The following SLC25A25 variants were observed in gnomAD, a reference collection of about 807,000 sequenced individuals.
The protein encoded by SLC25A25 is mitochondrial adenyl nucleotide antiporter SLC25A25.
Under a neutral mutation model 57.7 loss-of-function variants are expected in SLC25A25, and 32 were observed. That is an observed-to-expected ratio of 0.55 (90% CI 0.42 to 0.74). The LOEUF is 0.74. Ranked by LOEUF, SLC25A25 falls within the 30% of genes least tolerant of loss-of-function variation. The pLI is 0.00. For missense variants in SLC25A25, 556 were observed against 701.3 expected (o/e 0.79, Z 2.34); for synonymous variants, 306 against 291.2 (o/e 1.05, Z -0.52).
intron 1 of SLC25A25, chr9:128,091,475 T>C: frequency 1.0e-6 from 1 of 986,772 alleles, no homozygotes; most frequent in Non-Finnish European, 1.2e-6. Flanking sequence ...CGAGGACAGC[T>C]GAATAACTGG....
chr9:128,105,847 C>G lies in SLC25A25; in HGVS notation c.902C>G (p.Pro301Arg). Reference protein sequence around the residue: ...GNGINVLKIAPESAIKFMAYE... With the variant: ...GNGINVLKIARESAIKFMAYE... ...GGCATCAACGTCCTCAAAATTGCCCCCGAATCAGCCATCAAATTCATGGCC... is the reference window on the plus strand; with the variant it reads ...GGCATCAACGTCCTCAAAATTGCCCGCGAATCAGCCATCAAATTCATGGCC... Residue 301 changes from proline (P) to arginine (R), a missense_variant, in exon 7 of 11, where the codon CCC becomes CGC. By Grantham distance (103) the Pro-to-Arg change is moderately radical. This residue lies in a region of SLC25A25 where 294 missense variants were observed against 389.6 expected (regional missense o/e 0.75). Transcript: ENST00000373069. 1.2e-6 allele frequency: 2 copies of G among 1,614,160 alleles called. No homozygotes were observed. The highest frequency in any genetic ancestry group is 1.7e-6 in the Non-Finnish European group (2 of 1,180,036).
chr9:128,084,135 G>T (rs1026216014), intron 1 of SLC25A25, among the ~76,000 whole-genome samples: 4 of 152,120 alleles, frequency 2.6e-5, no homozygotes, highest in African/African-American at 9.7e-5. Context: ...ACCTCAGGGT[G>T]CTAAGGGCAT....
Position 128,103,243 on chromosome 9 carries a change from C to A in SLC25A25, c.625-438C>A, listed in dbSNP as rs188487334. ...GAGAAAGGTTACGCAGGCAGCGAGC[C>A]CTCGTGTTTGCTGAGGCGTTGCATA... On this transcript the variant is annotated intron_variant, in intron 5 of 10. Coordinates refer to ENST00000373069, the MANE Select transcript of SLC25A25 (RefSeq NM_001330988.2). This position sits in a 1 kb window ranked among gnomAD's most constrained non-coding sequence, Gnocchi z 6.7. Among the ~76,000 whole-genome samples the A allele has an allele frequency of 1.7e-3, 260 of 152,262 alleles. No homozygotes were observed. The highest frequency in any genetic ancestry group is 0.01 in the Middle Eastern group (3 of 294).
intron 1 of SLC25A25, among the ~76,000 whole-genome samples, chr9:128,084,335 A>T (rs1161096515): frequency 7.3e-5 from 11 of 149,874 alleles, no homozygotes; most frequent in Non-Finnish European, 1.5e-4. Flanking sequence ...ATCTCGGCTT[A>T]CTGCAACCTC....
chr9:128,070,257 A>AT (rs889072321), intron 1 of SLC25A25, among the ~76,000 whole-genome samples: 169 of 148,388 alleles, frequency 1.1e-3, no homozygotes, highest in African/African-American at 3.9e-3. Context: ...TGCCCAGCTA[A>AT]TTTTTTTTTT....
rs1833529794 is a variant in SLC25A25 at position 128,095,486 on chromosome 9, A to T, written c.262-5610A>T. 6.6e-6 allele frequency among the ~76,000 whole-genome samples: 1 copy of T among 152,150 alleles called. No individual in the cohort carries two copies. The highest frequency in any genetic ancestry group is 2.4e-5 in the African/African-American group (1 of 41,428). On this transcript the variant is annotated intron_variant, in intron 1 of 10. Coordinates refer to ENST00000373069, the MANE Select transcript of SLC25A25 (RefSeq NM_001330988.2). The surrounding 1 kb of genome is among the most constrained non-coding windows in gnomAD (Gnocchi z 4.4). ...TTGTCCTGGACACTAGCACCTAGAG[A>T]TGGGCTTATTTGGGTAGAACTCTCC...
chr9:128,086,047 G>C (rs1465991746), intron 1 of SLC25A25, among the ~76,000 whole-genome samples: 1 of 152,054 alleles, frequency 6.6e-6, no homozygotes, highest in Non-Finnish European at 1.5e-5. Context: ...CTTTGTATGA[G>C]TTGACTTGTT....
At chr9:128,094,138 ACT>A (rs575492801) in intron 1 of SLC25A25, among the ~76,000 whole-genome samples, 48 of 152,024 alleles carry the variant, frequency 3.2e-4, no homozygotes, top group African/African-American at 1.1e-3. Flanking sequence ...ACAGAGCAAG[ACT>A]CTGTTTAAAA....
rs944449032 is a variant in SLC25A25 at position 128,083,992 on chromosome 9, C to T, written c.261+15412C>T. On this transcript the variant is annotated intron_variant, in intron 1 of 10. Coordinates refer to ENST00000373069, the MANE Select transcript of SLC25A25 (RefSeq NM_001330988.2). Reference sequence around the variant, plus strand: ...GTGGTGCTCCAGGCTCCTTTATACTCTGGGCATTTTATCAGGGTAATTTGG... The same window carrying T: ...GTGGTGCTCCAGGCTCCTTTATACTTTGGGCATTTTATCAGGGTAATTTGG... 6.6e-5 allele frequency among the ~76,000 whole-genome samples: 10 copies of T among 152,128 alleles called. No homozygotes were observed. The East Asian group carries it at 1.9e-3, about 29-fold the overall frequency.
intron 1 of SLC25A25, among the ~76,000 whole-genome samples, chr9:128,083,667 G>A (rs1833210132): frequency 9.4e-6 from 1 of 105,838 alleles, no homozygotes; most frequent in African/African-American, 3.3e-5. Context: ...CCAACACCAC[G>A]CCCAGCGAAT....
chr9:128,071,755 C>T (rs965185900), intron 1 of SLC25A25, among the ~76,000 whole-genome samples: 4 of 151,190 alleles, frequency 2.6e-5, no homozygotes, highest in Non-Finnish European at 4.4e-5. Flanking sequence ...TCCGCTCTGT[C>T]GCCCAGGCTG....
At chr9:128,078,599 ACCT>A (rs1293297859) in intron 1 of SLC25A25, among the ~76,000 whole-genome samples, 1 of 152,146 alleles carries the variant, frequency 6.6e-6, no homozygotes, top group African/African-American at 2.4e-5. Flanking sequence ...CAGAAACCGG[ACCT>A]CCTCATCTTG....
At chr9:128,081,148 A>G (rs1833147877) in intron 1 of SLC25A25, among the ~76,000 whole-genome samples, 1 of 152,198 alleles carries the variant, frequency 6.6e-6, no homozygotes, top group Non-Finnish European at 1.5e-5. Flanking sequence ...TAAACCAGCT[A>G]TTAGCCGGCA....
intron 1 of SLC25A25, chr9:128,091,665 C>A (rs1833410107): frequency 1.6e-6 from 2 of 1,267,646 alleles, no homozygotes; most frequent in African/African-American, 1.5e-5. Flanking sequence ...GCAAGCCTCC[C>A]TTAGAGTGAG....
rs530830758 is a variant in SLC25A25 at position 128,076,041 on chromosome 9, G to A, written c.261+7461G>A. Among the ~76,000 whole-genome samples, 24 of 148,350 alleles carry A rather than the reference G, an allele frequency of 1.6e-4. No individual in the cohort carries two copies. The South Asian group carries it at 5.0e-3, about 31-fold the overall frequency. On this transcript the variant is annotated intron_variant, in intron 1 of 10. Transcript: ENST00000373069. The stretch of plus-strand genomic sequence containing the variant: ...TTACAGACCTAAGCCACTGTACCCA[G>A]CCAACTTTTTATTTTATTTTATTTT...
At chr9:128,092,334 C>T (rs891508054) in intron 1 of SLC25A25, among the ~76,000 whole-genome samples, 2 of 152,204 alleles carry the variant, frequency 1.3e-5, no homozygotes, top group African/African-American at 2.4e-5. Flanking sequence ...TTGCAATAGA[C>T]TTGCCTTAGG....
intron 1 of SLC25A25, among the ~76,000 whole-genome samples, chr9:128,083,513 C>CTTTTTTTTTTTTTTTTTTTTTT (rs1315501906): frequency 9.4e-5 from 11 of 117,450 alleles, no homozygotes; most frequent in Non-Finnish European, 1.3e-4. Context: ...TTTCTTTTTT[C>CTTTTTTTTTTTTTTTTTTTTTT]TTTTTTTTTT....
intron 1 of SLC25A25, among the ~76,000 whole-genome samples, chr9:128,088,182 A>T (rs945366278): frequency 3.3e-5 from 5 of 152,170 alleles, no homozygotes; most frequent in African/African-American, 1.2e-4. Context: ...GTTGGGCGGA[A>T]CAAGGACAGC....
At chr9:128,092,612 A>C (rs1833441613) in intron 1 of SLC25A25, among the ~76,000 whole-genome samples, 1 of 152,134 alleles carries the variant, frequency 6.6e-6, no homozygotes, top group South Asian at 2.1e-4. Context: ...GGCTGGAGTC[A>C]TGAGGCGCAG....
Sources: allele counts gnomAD v4.1 joint callset (sites outside exome capture counted in the v4.1 genomes callset), GRCh38; gene constraint gnomAD v4.1.1; regional missense constraint gnomAD v4.1.1; non-coding constraint Gnocchi (gnomAD v3.1); transcripts MANE v1.5; gene names NCBI Gene and HGNC (gene_info 2026-07-23, HGNC 2026-07-21).